SHANK2: variants seen among roughly 807,000 people sequenced by gnomAD.
The protein encoded by SHANK2 is SH3 and multiple ankyrin repeat domains 2, also known as SH3 and multiple ankyrin repeat domains protein 2.
A neutral mutation model predicts 133.7 loss-of-function variants in SHANK2; 43 were observed. The observed-to-expected ratio is 0.32, with a 90% CI of 0.25 to 0.41. SHANK2 has a LOEUF of 0.41. Among genes scored for constraint, SHANK2 ranks in the 10% least tolerant of loss-of-function variants. SHANK2 has a pLI of 1.00. For synonymous variants in SHANK2, 1,017 were observed against 952.8 expected (o/e 1.07, Z -1.24); for missense variants, 1,994 against 2,235.8 (o/e 0.89, Z 2.18).
intron 9 of SHANK2, among the ~76,000 whole-genome samples, chr11:71,063,584 G>A (rs950036717): frequency 3.3e-5 from 5 of 152,158 alleles, no homozygotes; most frequent in Admixed American, 6.5e-5. Flanking sequence ...AACAACTTGC[G>A]GCTTCAGAAA....
chr11:70,883,758 G>C (rs1305806387), intron 11 of SHANK2, among the ~76,000 whole-genome samples: 1 of 152,210 alleles, frequency 6.6e-6, no homozygotes, highest in African/African-American at 2.4e-5. Context: ...AACAAGACCC[G>C]GCCTCCACCT....
chr11:70,509,497 C>T (rs957254602), intron 17 of SHANK2, among the ~76,000 whole-genome samples: 134 of 152,250 alleles, frequency 8.8e-4, no homozygotes, highest in African/African-American at 3.0e-3. Context: ...GCTCAGAGCA[C>T]GGCCAGCTGG....
chr11:71,108,949 C>A (rs1371297753), intron 6 of SHANK2, among the ~76,000 whole-genome samples: 1 of 152,168 alleles, frequency 6.6e-6, no homozygotes, highest in Non-Finnish European at 1.5e-5. Flanking sequence ...CCCCCCCCAG[C>A]GTTCAGAGGT....
intron 11 of SHANK2, among the ~76,000 whole-genome samples, chr11:70,843,589 G>A (rs1031252034): frequency 2.0e-4 from 31 of 151,928 alleles, no homozygotes; most frequent in Admixed American, 1.4e-3. Flanking sequence ...ACAGAGAGAC[G>A]ACCCTGTGAG....
intron 1 of SHANK2, among the ~76,000 whole-genome samples, chr11:71,245,127 C>T (rs1173644528): frequency 7.2e-5 from 11 of 151,952 alleles, no homozygotes; most frequent in Admixed American, 2.0e-4. Flanking sequence ...ACCACAGGTG[C>T]GTGCCACTAC....
chr11:70,469,254 A>G lies in SHANK2; in HGVS notation c.*3615T>C, dbSNP rs942322624. ...AATTGAGAATAAGGAAATGGAACCA[A>G]GGCAGATTAGCTCAGTGACAGGAGC... On this transcript the variant is annotated 3_prime_UTR_variant, in exon 26 of 26. Transcript: ENST00000601538. 1.2e-4 allele frequency: 18 copies of G among 152,472 alleles called. No homozygotes were observed. The highest frequency in any genetic ancestry group is 7.3e-5 in the Non-Finnish European group (5 of 68,042). 9.4% of individuals were successfully genotyped at this position (152,472 alleles called of 1,614,324 possible). A position where few individuals can be genotyped will look rare whatever the true frequency, so the allele number is the denominator to read the frequency against.
chr11:71,097,836 A>C (rs552573324), intron 6 of SHANK2, among the ~76,000 whole-genome samples: 1 of 152,356 alleles, frequency 6.6e-6, no homozygotes, highest in African/African-American at 2.4e-5. Context: ...AGGCTGGAGC[A>C]TGTGTACGCC....
At chr11:70,736,789 A>G (rs1415343044) in intron 14 of SHANK2, among the ~76,000 whole-genome samples, 1 of 151,024 alleles carries the variant, frequency 6.6e-6, no homozygotes, top group East Asian at 1.9e-4. Context: ...CCACCCTCAC[A>G]CCCTTCAGAT....
At chr11:71,132,106 C>A (rs182956992) in intron 3 of SHANK2, among the ~76,000 whole-genome samples, 5 of 152,290 alleles carry the variant, frequency 3.3e-5, no homozygotes, top group Admixed American at 2.6e-4. Context: ...AGGCTGCTGC[C>A]GGGACGCAGA....
intron 2 of SHANK2, among the ~76,000 whole-genome samples, chr11:71,186,809 G>A (rs1016637505): frequency 2.6e-5 from 4 of 152,186 alleles, no homozygotes; most frequent in African/African-American, 9.7e-5. Flanking sequence ...TGTAGGAAAC[G>A]TGTCCCAGGA....
chr11:70,955,036 GACATCC>G (rs1950898013), intron 10 of SHANK2, among the ~76,000 whole-genome samples: 2 of 152,222 alleles, frequency 1.3e-5, no homozygotes, highest in African/African-American at 4.8e-5. Flanking sequence ...TCATCAGAAA[GACATCC>G]ACATCAAGGC....
intron 9 of SHANK2, among the ~76,000 whole-genome samples, chr11:71,071,477 G>A (rs1021793966): frequency 1.4e-4 from 21 of 152,344 alleles, no homozygotes; most frequent in African/African-American, 5.1e-4. Flanking sequence ...TGGACCCAAG[G>A]GGAAGGGAGC....
At chr11:70,947,870 GTT>G (rs1205220623) in intron 10 of SHANK2, among the ~76,000 whole-genome samples, 1 of 152,092 alleles carries the variant, frequency 6.6e-6, no homozygotes, top group Non-Finnish European at 1.5e-5. Flanking sequence ...CCATTTTAGA[GTT>G]CTCTTCTGCA....
intron 8 of SHANK2, among the ~76,000 whole-genome samples, chr11:71,088,835 TGTGG>T (rs1328709154): frequency 6.8e-6 from 1 of 147,226 alleles, no homozygotes; most frequent in East Asian, 2.0e-4. Context: ...AACTTGACCT[TGTGG>T]GTGACTGCAC....
chr11:70,908,353 T>G (rs1391930548), intron 10 of SHANK2, among the ~76,000 whole-genome samples: 2 of 152,008 alleles, frequency 1.3e-5, no homozygotes, highest in African/African-American at 2.4e-5. Context: ...CATCCTCCCA[T>G]CCCCCAGCAG....
chr11:70,512,744 A>G (rs1257460098), intron 17 of SHANK2, among the ~76,000 whole-genome samples: 4 of 152,174 alleles, frequency 2.6e-5, no homozygotes, highest in African/African-American at 7.2e-5. Context: ...GATTCCTTTG[A>G]CTGATTCTTT....
intron 10 of SHANK2, among the ~76,000 whole-genome samples, chr11:70,944,638 A>G (rs1555085053): frequency 6.6e-6 from 1 of 152,176 alleles, no homozygotes; most frequent in African/African-American, 2.4e-5. Flanking sequence ...TTCTGTTTCT[A>G]TTCCCTGAGT....
chr11:71,069,950 A>G (rs1006247994), intron 9 of SHANK2, among the ~76,000 whole-genome samples: 5 of 152,336 alleles, frequency 3.3e-5, no homozygotes, highest in South Asian at 2.1e-4. Context: ...TGCCCCCTGC[A>G]TGAGTGCCTG....
At chr11:71,128,810 G>C (rs1456444591) in intron 3 of SHANK2, among the ~76,000 whole-genome samples, 1 of 152,148 alleles carries the variant, frequency 6.6e-6, no homozygotes, top group African/African-American at 2.4e-5. Context: ...TTTTGAGTCA[G>C]AGTCTCACTC....
Sources: gnomAD v4.1 joint callset for allele counts (sites outside exome capture counted in the v4.1 genomes callset) on GRCh38, gnomAD v4.1.1 for gene constraint, MANE v1.5 for transcripts, NCBI Gene and HGNC (gene_info 2026-07-23, HGNC 2026-07-21) for gene names.